Variants in IGFBP2 observed in about 807,000 individuals in gnomAD.
IGFBP2 encodes insulin-like growth factor-binding protein 2.
In IGFBP2, 12 loss-of-function variants were observed where a neutral mutation model predicts 26.2. The observed-to-expected ratio is 0.46, with a 90% CI of 0.29 to 0.74. IGFBP2 has a LOEUF of 0.74. IGFBP2 is among the 30% of genes least tolerant of loss of function. The pLI, the probability that IGFBP2 is intolerant of heterozygous loss-of-function variation, is 0.09. For missense variants in IGFBP2, 328 were observed against 441.2 expected, an observed-to-expected ratio of 0.74 and a Z score of 2.30; for synonymous variants, 189 against 200.6, an observed-to-expected ratio of 0.94 and a Z score of 0.49.
At chr2:216,637,047 A>G (rs1291893234) in intron 1 of IGFBP2, among the ~76,000 whole-genome samples, 5 of 152,098 alleles carry the variant, frequency 3.3e-5, no homozygotes, top group African/African-American at 1.2e-4. Flanking sequence ...TTCAAAAAAA[A>G]AGGGGGAAAA....
chr2:216,650,080 A>G (rs1322867240), intron 1 of IGFBP2, among the ~76,000 whole-genome samples: 2 of 152,260 alleles, frequency 1.3e-5, no homozygotes, highest in African/African-American at 4.8e-5. Flanking sequence ...GGAAACAGAC[A>G]GAACAGAGAG....
At chr2:216,655,013 C>T (rs1026268975) in intron 1 of IGFBP2, among the ~76,000 whole-genome samples, 2 of 152,070 alleles carry the variant, frequency 1.3e-5, no homozygotes, top group Non-Finnish European at 2.9e-5. Flanking sequence ...TCTGTGGGCC[C>T]TTCTATAAAA....
At chr2:216,656,433 C>G (rs1027692107) in intron 1 of IGFBP2, among the ~76,000 whole-genome samples, 3 of 152,204 alleles carry the variant, frequency 2.0e-5, no homozygotes, top group Non-Finnish European at 4.4e-5. Flanking sequence ...GCCATTTCAG[C>G]AATGGGCTAT....
intron 1 of IGFBP2, among the ~76,000 whole-genome samples, 199 bp from the exon 2 acceptor site, chr2:216,660,358 G>A (rs542146269): frequency 4.0e-4 from 61 of 152,278 alleles, no homozygotes; most frequent in African/African-American, 1.4e-3. Flanking sequence ...GGTGCTAGTA[G>A]TACCCACCTA....
At chr2:216,638,160 C>G (rs1347933863) in intron 1 of IGFBP2, among the ~76,000 whole-genome samples, 1 of 151,718 alleles carries the variant, frequency 6.6e-6, no homozygotes, top group Non-Finnish European at 1.5e-5. Flanking sequence ...TGCTCTCCAG[C>G]CCGGGCAACA....
chr2:216,664,231 G>T lies in IGFBP2; in HGVS notation c.*127G>T, dbSNP rs9496. 1 of 763,846 alleles carries T rather than the reference G, an allele frequency of 1.3e-6. No homozygotes were observed. The highest frequency in any genetic ancestry group is 2.4e-5 in the South Asian group (1 of 41,984). The allele number at this position is 763,846 out of a possible 1,614,324, so 47.3% of individuals were successfully genotyped here. On this transcript the variant is annotated 3_prime_UTR_variant, in exon 4 of 4. Transcript: ENST00000233809. This position sits in a 1 kb window ranked among gnomAD's most constrained non-coding sequence, Gnocchi z 4.6. ...GTTCTGACACACGTATTTATATTTG[G>T]AAAGAGACCAGCACCGAGCTCGGCA...
chr2:216,659,221 G>T (rs1230719530), intron 1 of IGFBP2, among the ~76,000 whole-genome samples: 2 of 152,232 alleles, frequency 1.3e-5, no homozygotes, highest in East Asian at 3.9e-4. Flanking sequence ...TGGAGTGCCA[G>T]CACCCGGTGC....
At chr2:216,658,847 C>T (rs550219409) in intron 1 of IGFBP2, among the ~76,000 whole-genome samples, 4 of 152,290 alleles carry the variant, frequency 2.6e-5, no homozygotes, top group Non-Finnish European at 4.4e-5. Context: ...CCACCACACC[C>T]GGCCTAAGTC....
chr2:216,653,806 T>C (rs1397830199), intron 1 of IGFBP2, among the ~76,000 whole-genome samples: 1 of 152,164 alleles, frequency 6.6e-6, no homozygotes, highest in East Asian at 1.9e-4. Context: ...CTTGACCTTC[T>C]ATATGTGAAA....
intron 1 of IGFBP2, among the ~76,000 whole-genome samples, chr2:216,660,293 G>A (rs1276097882): frequency 5.3e-5 from 8 of 152,110 alleles, no homozygotes; most frequent in South Asian, 2.1e-4. Flanking sequence ...TGTGATCTTG[G>A]TCAAGTAACT....
chr2:216,647,010 A>G (rs1212721675), intron 1 of IGFBP2, among the ~76,000 whole-genome samples: 1 of 152,208 alleles, frequency 6.6e-6, no homozygotes, highest in Admixed American at 6.5e-5. Context: ...CTGGAGGGGG[A>G]CAAGAAAAGC....
intron 1 of IGFBP2, among the ~76,000 whole-genome samples, chr2:216,655,918 A>G (rs1230148879): frequency 1.3e-5 from 2 of 152,170 alleles, no homozygotes; most frequent in Non-Finnish European, 2.9e-5. Context: ...AAAAAAATCA[A>G]AAAACCATAT....
At chr2:216,641,339 G>A (rs1180073562) in intron 1 of IGFBP2, among the ~76,000 whole-genome samples, 2 of 152,110 alleles carry the variant, frequency 1.3e-5, no homozygotes, top group Non-Finnish European at 2.9e-5. Flanking sequence ...AATCACCCAA[G>A]GTAAGAGATT....
At chr2:216,639,380 C>G (rs978561917) in intron 1 of IGFBP2, among the ~76,000 whole-genome samples, 1 of 151,796 alleles carries the variant, frequency 6.6e-6, no homozygotes, top group Admixed American at 6.6e-5. Flanking sequence ...AAATTCTGCA[C>G]CAAAGGGAAT....
intron 1 of IGFBP2, among the ~76,000 whole-genome samples, chr2:216,640,949 C>G (rs1697601367): frequency 6.6e-6 from 1 of 152,134 alleles, no homozygotes; most frequent in Non-Finnish European, 1.5e-5. Flanking sequence ...CAGGGTGGGC[C>G]TCTTGAGAGA....
chr2:216,659,664 T>C (rs746506051), intron 1 of IGFBP2: 11 of 1,440,772 alleles, frequency 7.6e-6, no homozygotes, highest in African/African-American at 1.4e-5. Context: ...TCACCTAGGC[T>C]GTGCATACAA....
chr2:216,661,242 A>G (rs9341202), intron 2 of IGFBP2: 7,571 of 263,668 alleles, frequency 0.029, 142 homozygotes, highest in South Asian at 0.063. Flanking sequence ...AGCTGGGACT[A>G]TAGGCATGCA....
At chr2:216,641,741 G>C in intron 1 of IGFBP2, among the ~76,000 whole-genome samples, 1 of 148,720 alleles carries the variant, frequency 6.7e-6, no homozygotes, top group East Asian at 2.0e-4. Context: ...CCAGGCTGGA[G>C]TGCAGTGGCG....
At chr2:216,651,392 T>A (rs1398320005) in intron 1 of IGFBP2, among the ~76,000 whole-genome samples, 3 of 152,356 alleles carry the variant, frequency 2.0e-5, no homozygotes, top group Non-Finnish European at 4.4e-5. Flanking sequence ...GTTTCTTGTA[T>A]GTGCTGGCGT....
Sources: gnomAD v4.1 joint callset for allele counts (sites outside exome capture counted in the v4.1 genomes callset) on GRCh38, gnomAD v4.1.1 for gene constraint, Gnocchi (gnomAD v3.1) non-coding constraint, MANE v1.5 for transcripts, NCBI Gene and HGNC (gene_info 2026-07-23, HGNC 2026-07-21) for gene names.